Variants in SLC7A14 observed in about 807,000 individuals in gnomAD.
SLC7A14 encodes gamma-aminobutyric acid transporter SLC7A14.
In SLC7A14, 37 loss-of-function variants were observed where a neutral mutation model predicts 60.2. The ratio of observed to expected loss-of-function variants is 0.61; its 90% CI spans 0.47 to 0.81. SLC7A14 has a LOEUF of 0.81. SLC7A14 is among the 30% of genes least tolerant of loss of function. The pLI is 0.00. For missense variants in SLC7A14, 886 were observed against 982.7 expected, an observed-to-expected ratio of 0.90 and a Z score of 1.32; for synonymous variants, 399 against 395.8, an observed-to-expected ratio of 1.01 and a Z score of -0.10.
intron 1 of SLC7A14, among the ~76,000 whole-genome samples, chr3:170,577,624 CAAAAAAAA>C (rs56357954): frequency 1.9e-5 from 1 of 52,062 alleles, no homozygotes; most frequent in African/African-American, 6.0e-5. Context: ...GACTCCGTCT[CAAAAAAAA>C]AAAAAAAAAA....
In SLC7A14 at chr3:170,483,310, T is replaced by C; in HGVS notation, c.1115+4A>G. ...GGATAAATTTCATGGAGCATAGCCCTTACCTGAAAAGGAGCCCGTCACCAG... is the reference window on the plus strand; with the variant it reads ...GGATAAATTTCATGGAGCATAGCCCCTACCTGAAAAGGAGCCCGTCACCAG... On this transcript the variant is annotated splice_donor_region_variant and intron_variant, in intron 6 of 7. Coordinates refer to ENST00000231706, the MANE Select transcript of SLC7A14 (RefSeq NM_020949.3). 6.2e-7 allele frequency: 1 copy of C among 1,613,978 alleles called. No homozygotes were observed. The highest frequency in any genetic ancestry group is 8.5e-7 in the Non-Finnish European group (1 of 1,179,924).
At chr3:170,472,292 C>T (rs1201753609) in intron 7 of SLC7A14, among the ~76,000 whole-genome samples, 1 of 151,444 alleles carries the variant, frequency 6.6e-6, no homozygotes, top group African/African-American at 2.4e-5. Flanking sequence ...CTGCTTGAAC[C>T]CAGGAGGTGG....
intron 2 of SLC7A14, among the ~76,000 whole-genome samples, chr3:170,521,197 A>G (rs534170920): frequency 6.6e-6 from 1 of 152,330 alleles, no homozygotes; most frequent in South Asian, 2.1e-4. Context: ...GGGCAGGACT[A>G]GTGGGAGGAG....
chr3:170,496,284 A>G, intron 4 of SLC7A14: 2 of 971,886 alleles, frequency 2.1e-6, no homozygotes, highest in Non-Finnish European at 3.4e-6. Context: ...GTACCAGATC[A>G]AGTATGCAGA....
chr3:170,538,018 G>T (rs1463559462), intron 1 of SLC7A14, among the ~76,000 whole-genome samples: 1 of 152,082 alleles, frequency 6.6e-6, no homozygotes, highest in African/African-American at 2.4e-5. Context: ...CTAGAGATTT[G>T]GCCTCAATAG....
chr3:170,475,562 A>G (rs930901873), intron 7 of SLC7A14, among the ~76,000 whole-genome samples: 1 of 152,212 alleles, frequency 6.6e-6, no homozygotes, highest in Non-Finnish European at 1.5e-5. Context: ...TTTGAAAAAC[A>G]AGTCTTTGTA....
intron 7 of SLC7A14, among the ~76,000 whole-genome samples, chr3:170,469,599 G>A (rs1335898164): frequency 6.6e-6 from 1 of 152,150 alleles, no homozygotes; most frequent in African/African-American, 2.4e-5. Flanking sequence ...CTTGGAGAAT[G>A]CCTCTGTCTG....
At chr3:170,552,946 A>T (rs1207250207) in intron 1 of SLC7A14, among the ~76,000 whole-genome samples, 2 of 152,228 alleles carry the variant, frequency 1.3e-5, no homozygotes, top group African/African-American at 4.8e-5. Flanking sequence ...TGATCTCCAC[A>T]TGCACTGCCC....
intron 1 of SLC7A14, among the ~76,000 whole-genome samples, chr3:170,534,273 C>T (rs1713769853): frequency 6.6e-6 from 1 of 152,282 alleles, no homozygotes; most frequent in East Asian, 1.9e-4. Flanking sequence ...AGGAGCAATC[C>T]CTATCTGATG....
chr3:170,466,811 A>G lies in SLC7A14; in HGVS notation c.*244T>C, dbSNP rs1739730967. The G allele has an allele frequency of 4.5e-6, 2 of 443,382 alleles. No individual in the cohort carries two copies. Among genetic ancestry groups the G allele is most frequent in the Non-Finnish European group, 4.0e-6 (1 of 251,226 alleles). 27.5% of individuals were successfully genotyped at this position (443,382 alleles called of 1,614,324 possible). A position where few individuals can be genotyped will look rare whatever the true frequency, so the allele number is the denominator to read the frequency against. ...GTGGTTGCACCTAAGATGGAATTTC[A>G]TATAGCCTCTTGTTTATTTATTTAT... On this transcript the variant is annotated 3_prime_UTR_variant, in exon 8 of 8. Coordinates refer to ENST00000231706, the MANE Select transcript of SLC7A14 (RefSeq NM_020949.3).
intron 2 of SLC7A14, among the ~76,000 whole-genome samples, chr3:170,522,815 A>G (rs1713375577): frequency 6.6e-6 from 1 of 152,240 alleles, no homozygotes; most frequent in Non-Finnish European, 1.5e-5. Context: ...AATAAAACTG[A>G]ACTCCAACAT....
chr3:170,504,719 A>G (rs573199403), intron 2 of SLC7A14, among the ~76,000 whole-genome samples: 64 of 152,132 alleles, frequency 4.2e-4, no homozygotes, highest in Non-Finnish European at 8.4e-4. Flanking sequence ...CCAATTAGAT[A>G]CAGTTTAGGG....
At chr3:170,502,514 T>C (rs950930438) in intron 2 of SLC7A14, among the ~76,000 whole-genome samples, 3 of 151,894 alleles carry the variant, frequency 2.0e-5, no homozygotes, top group Non-Finnish European at 2.9e-5. Flanking sequence ...GGGCAACGAG[T>C]TGGAGGTCAG....
intron 1 of SLC7A14, among the ~76,000 whole-genome samples, chr3:170,573,076 A>G (rs553259610): frequency 6.6e-6 from 1 of 152,348 alleles, no homozygotes; most frequent in East Asian, 1.9e-4. Flanking sequence ...AGTGACTAAC[A>G]GATTCAGTTT....
In SLC7A14 at chr3:170,526,945, A is replaced by G. The variant is rs1313920131; in HGVS notation, c.-9T>C. Reference sequence around the variant, plus strand: ...GTGAAGAAGCCACTCATCTTGAGCGATAGGGGATGCAGTGAAGGTCAGCTG... The same window carrying G: ...GTGAAGAAGCCACTCATCTTGAGCGGTAGGGGATGCAGTGAAGGTCAGCTG... On this transcript the variant is annotated 5_prime_UTR_variant, in exon 2 of 8. Coordinates refer to ENST00000231706, the MANE Select transcript of SLC7A14 (RefSeq NM_020949.3). 3 of 1,609,874 alleles carry G rather than the reference A, an allele frequency of 1.9e-6. No individual in the cohort carries two copies. The highest frequency in any genetic ancestry group is 1.1e-5 in the South Asian group (1 of 90,302).
chr3:170,514,710 A>AT lies in SLC7A14; in HGVS notation c.304+11922dup, dbSNP rs1367273210. ...AAGTGAGTAGGAGGCAAGTCTACCCATTTTTTTGCTAGCGGCGGACTGAGG... is the reference window on the plus strand; with the variant it reads ...AAGTGAGTAGGAGGCAAGTCTACCCATTTTTTTTGCTAGCGGCGGACTGAGG... On this transcript the variant is annotated intron_variant, in intron 2 of 7. Coordinates refer to ENST00000231706, the MANE Select transcript of SLC7A14 (RefSeq NM_020949.3). Among the ~76,000 whole-genome samples, 19 of 152,124 alleles carry AT rather than the reference A, an allele frequency of 1.2e-4. No individual in the cohort carries two copies. The South Asian group carries it at 3.5e-3, about 28-fold the overall frequency.
intron 4 of SLC7A14, among the ~76,000 whole-genome samples, chr3:170,491,495 A>G (rs1264170104): frequency 6.6e-6 from 1 of 152,220 alleles, no homozygotes; most frequent in African/African-American, 2.4e-5. Flanking sequence ...CAAAATTTCA[A>G]TGAGGGACTA....
chr3:170,478,227 G>A (rs889938154), intron 7 of SLC7A14, among the ~76,000 whole-genome samples: 4 of 152,052 alleles, frequency 2.6e-5, no homozygotes, highest in Admixed American at 6.6e-5. Context: ...ACAGGCACTT[G>A]CCACCACGCC....
chr3:170,526,273 G>A (rs1713495748), intron 2 of SLC7A14, among the ~76,000 whole-genome samples: 2 of 151,462 alleles, frequency 1.3e-5, no homozygotes. Context: ...GTGGTGGCGG[G>A]CGCCTATAAT....
Sources: gnomAD v4.1 joint callset for allele counts (sites outside exome capture counted in the v4.1 genomes callset) on GRCh38, gnomAD v4.1.1 for gene constraint, MANE v1.5 for transcripts, NCBI Gene and HGNC (gene_info 2026-07-23, HGNC 2026-07-21) for gene names.